The following BPIFC variants were observed in gnomAD, a reference collection of about 807,000 sequenced individuals.
The protein encoded by BPIFC is BPI fold containing family C, also known as BPI fold-containing family C protein.
BPIFC carries 60 observed loss-of-function variants against 57.6 expected under a neutral mutation model. The observed-to-expected ratio is 1.04, with a 90% CI of 0.85 to 1.29. The LOEUF (loss-of-function observed/expected upper bound fraction) is 1.29. BPIFC is among the 50% of genes most tolerant of loss of function. BPIFC has a pLI of 0.00. For missense variants in BPIFC, 581 were observed against 600.5 expected (o/e 0.97, Z 0.34); for synonymous variants, 243 against 224.5 (o/e 1.08, Z -0.74).
chr22:32,452,133 C>T (rs1934910958), intron 4 of BPIFC, among the ~76,000 whole-genome samples: 3 of 152,174 alleles, frequency 2.0e-5, no homozygotes, highest in Admixed American at 2.0e-4. Flanking sequence ...AACTCCTGAG[C>T]TCAAGTGATC....
chr22:32,459,534 G>A (rs747815958), intron 2 of BPIFC, among the ~76,000 whole-genome samples: 4 of 152,096 alleles, frequency 2.6e-5, no homozygotes, highest in Admixed American at 6.5e-5. Context: ...GTGGTGGCGG[G>A]CGCTTGTAGT....
chr22:32,419,385 C>G lies in BPIFC; in HGVS notation c.1237G>C (p.Glu413Gln). Reference protein sequence around the residue: ...SLNRFRLALPESNRSNIEVLR... With the variant: ...SLNRFRLALPQSNRSNIEVLR... The stretch of plus-strand genomic sequence containing the variant: ...ACCTCAATGTTGCTGCGATTGGACT[C>G]TGGCAAAGCAAGGCGGAATCTAAAA... The change falls in exon 14 of 17, where the codon GAG becomes CAG. Residue 413 changes from glutamate to glutamine, a missense_variant. Glu to Gln is a conservative substitution (Grantham distance 29). Transcript: ENST00000300399. 1 of 1,613,938 alleles carries G rather than the reference C, an allele frequency of 6.2e-7. No individual in the cohort carries two copies. Among genetic ancestry groups the G allele is most frequent in the Non-Finnish European group, 8.5e-7 (1 of 1,179,886 alleles).
chr22:32,425,066 G>A (rs528670847), intron 13 of BPIFC, among the ~76,000 whole-genome samples: 72 of 152,220 alleles, frequency 4.7e-4, no homozygotes, highest in African/African-American at 1.7e-3. Flanking sequence ...ATAGGCGTGA[G>A]CCACCACGCC....
Position 32,413,934 on chromosome 22 carries a change from A to T in BPIFC, c.*369T>A, listed in dbSNP as rs1300176294. 1 of 156,684 alleles carries T rather than the reference A, an allele frequency of 6.4e-6. No individual in the cohort carries two copies. Among genetic ancestry groups the T allele is most frequent in the Non-Finnish European group, 1.4e-5 (1 of 71,118 alleles). The allele number at this position is 156,684 out of a possible 1,614,324, so 9.7% of individuals were successfully genotyped here. A position where few individuals can be genotyped will look rare whatever the true frequency, so the allele number is the denominator to read the frequency against. Reference sequence around the variant, plus strand: ...AAAACCAATATGCAGGTAGGGGAAAACCACTAGAGGGCCTAAGGGATTTCC... The same window carrying T: ...AAAACCAATATGCAGGTAGGGGAAATCCACTAGAGGGCCTAAGGGATTTCC... On this transcript the variant is annotated 3_prime_UTR_variant, in exon 17 of 17. Transcript: ENST00000300399.
chr22:32,445,841 C>T lies in BPIFC; in HGVS notation c.530G>A (p.Ser177Asn). 6 of 1,613,862 alleles carry T rather than the reference C, an allele frequency of 3.7e-6. No homozygotes were observed. Among genetic ancestry groups the T allele is most frequent in the Non-Finnish European group, 5.1e-6 (6 of 1,179,954 alleles). ...HAHVSFSGEL[S>N]VLYNSFAEPM... ...TGCCCAACCCAGGGCTCTCATTCAC[C>T]TGAGTTCTCCGGAAAATGAGACGTG... Residue 177 changes from serine (S) to asparagine (N), a missense_variant and splice_region_variant, in exon 6 of 17, where the codon AGT becomes AAT. Transcript: ENST00000300399.
chr22:32,445,648 T>C lies in BPIFC; in HGVS notation c.581A>G (p.Asn194Ser), dbSNP rs374766580. The change falls in exon 7 of 17, where the codon AAC becomes AGC. Residue 194 changes from asparagine (N) to serine (S), a missense_variant. Asn to Ser is a conservative substitution (Grantham distance 46). Coordinates refer to ENST00000300399, the MANE Select transcript of BPIFC (RefSeq NM_174932.3). ...AEPMEKPILK[N>S]LNEMLCPIIA... ...CTAAAGACTCACCATTTCATTTAAG[T>C]TCTTTAAAATGGGTTTCTCCATGGG... 1 of 1,607,150 alleles carries C rather than the reference T, an allele frequency of 6.2e-7. No homozygotes were observed. The highest frequency in any genetic ancestry group is 1.4e-5 in the African/African-American group (1 of 73,832).
rs61507713 is a variant in BPIFC at position 32,445,713 on chromosome 22, G to GAAAAA, written c.531-20_531-16dup. On this transcript the variant is annotated splice_polypyrimidine_tract_variant and intron_variant, in intron 6 of 16. Transcript: ENST00000300399. ...TATACAGAACACTGAGGAAAAAAAT[G>GAAAAA]AAAAAAAAAAAAAAAAAAAAAAGAG... The GAAAAA allele has an allele frequency of 9.7e-3, 6,834 of 706,894 alleles. 166 individuals are homozygous for GAAAAA. The highest frequency in any genetic ancestry group is 0.028 in the South Asian group (1,120 of 40,308). 43.8% of individuals were successfully genotyped at this position (706,894 alleles called of 1,614,324 possible). A position where few individuals can be genotyped will look rare whatever the true frequency, so the allele number is the denominator to read the frequency against.
chr22:32,441,098 T>TGCTCCTA (rs1442534321), intron 8 of BPIFC, among the ~76,000 whole-genome samples: 1 of 152,046 alleles, frequency 6.6e-6, no homozygotes, highest in African/African-American at 2.4e-5. Context: ...CCCAACCCCC[T>TGCTCCTA]GCTCCTAGTG....
At chr22:32,424,529 A>AGGGTAT (rs1933939896) in intron 13 of BPIFC, among the ~76,000 whole-genome samples, 1 of 136,414 alleles carries the variant, frequency 7.3e-6, no homozygotes, top group Non-Finnish European at 1.5e-5. Context: ...TCTTCCAGGC[A>AGGGTAT]AGGGTATAAA....
chr22:32,447,607 C>CTTT lies in BPIFC; in HGVS notation c.246-270_246-268dup, dbSNP rs11375413. On this transcript the variant is annotated intron_variant, in intron 4 of 16. Coordinates refer to ENST00000300399, the MANE Select transcript of BPIFC (RefSeq NM_174932.3). Reference sequence around the variant, plus strand: ...TGTAATTTTTCTTCTCTCTCGCTCTCTTTTTTTTTTTTTTTTTGAGACAGG... The same window carrying CTTT: ...TGTAATTTTTCTTCTCTCTCGCTCTCTTTTTTTTTTTTTTTTTTTTGAGACAGG... 6.8e-3 allele frequency among the ~76,000 whole-genome samples: 897 copies of CTTT among 132,804 alleles called. 10 individuals are homozygous for CTTT. The highest frequency in any genetic ancestry group is 0.01 in the Non-Finnish European group (634 of 63,212). The allele number at this position is 132,804 out of a possible 152,430, so 87.1% of individuals were successfully genotyped here.
chr22:32,460,452 G>GTCT (rs1478587118), intron 2 of BPIFC, among the ~76,000 whole-genome samples: 14 of 152,164 alleles, frequency 9.2e-5, no homozygotes, highest in Non-Finnish European at 1.2e-4. Flanking sequence ...TAGAAATAAG[G>GTCT]TCTTCACCTG....
intron 8 of BPIFC, among the ~76,000 whole-genome samples, chr22:32,439,794 T>C (rs1219700346): frequency 6.6e-6 from 1 of 152,150 alleles, no homozygotes; most frequent in Non-Finnish European, 1.5e-5. Context: ...TTTGTATTTT[T>C]AGTAGAGACA....
intron 15 of BPIFC, 26 bp from the exon 16 acceptor site, chr22:32,416,017 C>T (rs374283701): frequency 2.1e-6 from 3 of 1,455,814 alleles, no homozygotes; most frequent in Non-Finnish European, 2.8e-6. Flanking sequence ...AGACGTAAAA[C>T]AATTGGGCAC....
chr22:32,417,026 A>G lies in BPIFC; in HGVS notation c.1324+59T>C, dbSNP rs1199161085. 3 of 1,338,550 alleles carry G rather than the reference A, an allele frequency of 2.2e-6. No individual in the cohort carries two copies. In the African/African-American group the frequency reaches 4.3e-5, roughly 19 times the overall value. 82.9% of individuals were successfully genotyped at this position (1,338,550 alleles called of 1,614,324 possible). ...TCCCAAACAATCCCCAGTGCAGCCG[A>G]TGCAGATGTTAAATGTTAGCCGATG... On this transcript the variant is annotated intron_variant, in intron 15 of 16. Coordinates refer to ENST00000300399, the MANE Select transcript of BPIFC (RefSeq NM_174932.3).
chr22:32,434,838 A>T (rs1934345758), intron 10 of BPIFC, among the ~76,000 whole-genome samples: 1 of 152,204 alleles, frequency 6.6e-6, no homozygotes, highest in Admixed American at 6.5e-5. Context: ...GCTCAATAAA[A>T]GTTTTTGGTT....
intron 13 of BPIFC, among the ~76,000 whole-genome samples, chr22:32,424,642 C>CTCTTCTTCTTCT (rs796330210): frequency 0.075 from 2,138 of 28,690 alleles, 332 homozygotes; most frequent in East Asian, 0.096. Context: ...TCTTCTTCTT[C>CTCTTCTTCTTCT]TCTTCTTCTT....
Position 32,432,403 on chromosome 22 carries a change from G to A in BPIFC, c.1119C>T (p.Ser373=). Residue 373 remains serine, a synonymous_variant, in exon 12 of 17, where the codon TCC becomes TCT. Transcript: ENST00000300399. ...SIMMLTQPKN[S]TVETIVSMDF... ...CCATGGAAACGATGGTTTCAACTGTGGAGTTCTTGGGTTGGGTGAGCATCA... is the reference window on the plus strand; with the variant it reads ...CCATGGAAACGATGGTTTCAACTGTAGAGTTCTTGGGTTGGGTGAGCATCA... 6.2e-7 allele frequency: 1 copy of A among 1,614,118 alleles called. No individual in the cohort carries two copies.
At chr22:32,414,599 C>T (rs902595761) in intron 16 of BPIFC, among the ~76,000 whole-genome samples, 174 bp from the exon 17 acceptor site, 5 of 152,164 alleles carry the variant, frequency 3.3e-5, no homozygotes, top group East Asian at 1.9e-4. Flanking sequence ...CTGCAAGCTC[C>T]GTCCCTCGGT....
At chr22:32,425,918 C>A (rs1009916987) in intron 13 of BPIFC, among the ~76,000 whole-genome samples, 2 of 152,188 alleles carry the variant, frequency 1.3e-5, no homozygotes, top group Admixed American at 1.3e-4. Flanking sequence ...GTCTTTATTA[C>A]ACCATTTTAC....
Sources: allele counts gnomAD v4.1 joint callset (sites outside exome capture counted in the v4.1 genomes callset), GRCh38; gene constraint gnomAD v4.1.1; transcripts MANE v1.5; gene names NCBI Gene and HGNC (gene_info 2026-07-23, HGNC 2026-07-21).